FHIT: variants seen among roughly 807,000 people sequenced by gnomAD.
FHIT encodes the protein bis(5'-adenosyl)-triphosphatase.
Under a neutral mutation model 17.9 loss-of-function variants are expected in FHIT, and 19 were observed. The observed-to-expected ratio is 1.06, with a 90% CI of 0.74 to 1.56. FHIT has a LOEUF of 1.56. Ranked by LOEUF, FHIT falls within the 40% of genes most tolerant of loss-of-function variation. The pLI, the probability that FHIT is intolerant of heterozygous loss-of-function variation, is 0.00. For missense variants in FHIT, 248 were observed against 189.2 expected, an observed-to-expected ratio of 1.31 and a Z score of -1.82; for synonymous variants, 81 against 69.7, an observed-to-expected ratio of 1.16 and a Z score of -0.81.
intron 5 of FHIT, among the ~76,000 whole-genome samples, chr3:60,363,166 C>T (rs1208028888): frequency 6.6e-6 from 1 of 152,106 alleles, no homozygotes; most frequent in African/African-American, 2.4e-5. Context: ...TCCTTTTCTT[C>T]TCTAAATTCG....
intron 4 of FHIT, among the ~76,000 whole-genome samples, chr3:60,569,985 A>G (rs1343757084): frequency 6.6e-6 from 1 of 152,006 alleles, no homozygotes; most frequent in African/African-American, 2.4e-5. Context: ...TGGTACAATC[A>G]TTACTACAAT....
intron 2 of FHIT, among the ~76,000 whole-genome samples, chr3:61,093,457 A>G (rs2035546249): frequency 6.6e-6 from 1 of 152,208 alleles, no homozygotes; most frequent in Non-Finnish European, 1.5e-5. Flanking sequence ...ACAGATGACA[A>G]GCCCCCACAA....
intron 5 of FHIT, among the ~76,000 whole-genome samples, chr3:60,068,420 G>A (rs1303158829): frequency 6.6e-6 from 1 of 152,150 alleles, no homozygotes; most frequent in Non-Finnish European, 1.5e-5. Flanking sequence ...TTGAGAACAA[G>A]AAAAGAGTAA....
At chr3:60,771,823 T>G (rs1338540557) in intron 4 of FHIT, among the ~76,000 whole-genome samples, 2 of 152,216 alleles carry the variant, frequency 1.3e-5, no homozygotes, top group African/African-American at 4.8e-5. Context: ...TTATTTCTTA[T>G]GCAAAATTGT....
intron 3 of FHIT, among the ~76,000 whole-genome samples, chr3:60,888,426 C>T (rs1201893642): frequency 6.6e-6 from 1 of 152,128 alleles, no homozygotes; most frequent in Non-Finnish European, 1.5e-5. Flanking sequence ...CAAATTTCTT[C>T]TGGGGTCAGT....
intron 5 of FHIT, among the ~76,000 whole-genome samples, chr3:60,246,921 T>C (rs954897488): frequency 3.5e-4 from 53 of 152,148 alleles, no homozygotes; most frequent in African/African-American, 1.2e-3. Context: ...ATATAGGGCT[T>C]ATAAAAGTGG....
intron 7 of FHIT, among the ~76,000 whole-genome samples, chr3:59,979,289 A>G (rs1487791332): frequency 6.6e-6 from 1 of 152,144 alleles, no homozygotes; most frequent in Non-Finnish European, 1.5e-5. Context: ...TTGTTTGTAC[A>G]GTTAGTGCAT....
chr3:60,207,425 T>C (rs1207573611), intron 5 of FHIT, among the ~76,000 whole-genome samples: 1 of 152,106 alleles, frequency 6.6e-6, no homozygotes, highest in Non-Finnish European at 1.5e-5. Context: ...GGCTTCTATA[T>C]GGGTCACTTT....
chr3:60,116,111 T>C (rs1704948824), intron 5 of FHIT, among the ~76,000 whole-genome samples: 1 of 152,170 alleles, frequency 6.6e-6, no homozygotes, highest in African/African-American at 2.4e-5. Context: ...TATAGACTAG[T>C]GTACTATGCT....
intron 5 of FHIT, among the ~76,000 whole-genome samples, chr3:60,124,053 G>GAGAC (rs1476805857): frequency 1.7e-5 from 2 of 119,488 alleles, no homozygotes; most frequent in South Asian, 3.2e-4. Context: ...GAGAGAGAGA[G>GAGAC]AGACAGAGAG....
At chr3:60,446,503 C>T (rs2031341454) in intron 5 of FHIT, among the ~76,000 whole-genome samples, 1 of 152,098 alleles carries the variant, frequency 6.6e-6, no homozygotes, top group Non-Finnish European at 1.5e-5. Flanking sequence ...CTGTGGGGTA[C>T]ACTAGTACAC....
intron 5 of FHIT, among the ~76,000 whole-genome samples, chr3:60,324,484 C>G (rs1202357476): frequency 6.7e-6 from 1 of 150,232 alleles, no homozygotes; most frequent in Admixed American, 6.7e-5. Context: ...GCTCGGGATG[C>G]TGAGGCAGAA....
At chr3:59,841,843 A>T (rs1037233284) in intron 8 of FHIT, among the ~76,000 whole-genome samples, 1 of 152,166 alleles carries the variant, frequency 6.6e-6, no homozygotes, top group Admixed American at 6.6e-5. Flanking sequence ...AGGGGTATCT[A>T]TAGAGTTGGG....
At chr3:59,868,749 G>T (rs1322126531) in intron 8 of FHIT, among the ~76,000 whole-genome samples, 1 of 152,192 alleles carries the variant, frequency 6.6e-6, no homozygotes, top group Non-Finnish European at 1.5e-5. Context: ...TCAGGGGGTG[G>T]TGGTGGTGGC....
chr3:60,045,324 G>C (rs1329918744), intron 5 of FHIT, among the ~76,000 whole-genome samples: 1 of 152,102 alleles, frequency 6.6e-6, no homozygotes, highest in Non-Finnish European at 1.5e-5. Context: ...CACATGGCTG[G>C]GGAGGCCTCA....
chr3:61,195,010 T>TG (rs1428190243), intron 2 of FHIT, among the ~76,000 whole-genome samples: 2 of 103,618 alleles, frequency 1.9e-5, no homozygotes, highest in Non-Finnish European at 3.9e-5. Flanking sequence ...GGGTGGTTAG[T>TG]GGGGGGTGTG....
chr3:60,494,853 A>G (rs905798946), intron 5 of FHIT, among the ~76,000 whole-genome samples: 1 of 152,174 alleles, frequency 6.6e-6, no homozygotes, highest in Non-Finnish European at 1.5e-5. Context: ...ATTAAGTACC[A>G]CATTTTTTAA....
chr3:60,246,643 C>T (rs1200453119), intron 5 of FHIT, among the ~76,000 whole-genome samples: 1 of 152,104 alleles, frequency 6.6e-6, no homozygotes, highest in Admixed American at 6.6e-5. Context: ...TGGAGTGGAG[C>T]TTGAGTGGAG....
At chr3:61,190,499 C>A (rs1037880452) in intron 2 of FHIT, among the ~76,000 whole-genome samples, 5 of 152,176 alleles carry the variant, frequency 3.3e-5, no homozygotes, top group Non-Finnish European at 7.3e-5. Context: ...TAAACTAGTT[C>A]AACCATTGTG....
Sources: allele counts gnomAD v4.1 joint callset (sites outside exome capture counted in the v4.1 genomes callset), GRCh38; gene constraint gnomAD v4.1.1; transcripts MANE v1.5; gene names NCBI Gene and HGNC (gene_info 2026-07-23, HGNC 2026-07-21).